The following MMP26 variants were observed in gnomAD, a reference collection of about 807,000 sequenced individuals.
MMP26 encodes matrix metallopeptidase 26.
A neutral mutation model predicts 31.0 loss-of-function variants in MMP26; 33 were observed. The observed-to-expected ratio is 1.06, with a 90% confidence interval of 0.81 to 1.42. The LOEUF (loss-of-function observed/expected upper bound fraction) is 1.42. Among genes scored for constraint, MMP26 ranks in the 40% most tolerant of loss-of-function variants. The pLI, the probability that MMP26 is intolerant of heterozygous loss-of-function variation, is 0.00. For synonymous variants in MMP26, 122 were observed against 114.9 expected (o/e 1.06, Z -0.40); for missense variants, 347 against 316.1 (o/e 1.10, Z -0.74).
chr11:4,879,182 C>T (rs759000254), intron 2 of MMP26, among the ~76,000 whole-genome samples: 8 of 151,980 alleles, frequency 5.3e-5, no homozygotes, highest in Non-Finnish European at 8.8e-5. Context: ...TGCAGTGACA[C>T]GATATCGTGC....
At chr11:4,713,665 T>C (rs915557744) in intron 1 of MMP26, among the ~76,000 whole-genome samples, 5 of 151,996 alleles carry the variant, frequency 3.3e-5, no homozygotes, top group African/African-American at 9.7e-5. Flanking sequence ...AAATGAAGAT[T>C]TTTGGGGGGC....
intron 2 of MMP26, among the ~76,000 whole-genome samples, chr11:4,961,677 C>T (rs1846522928): frequency 6.6e-6 from 1 of 152,208 alleles, no homozygotes; most frequent in Non-Finnish European, 1.5e-5. Flanking sequence ...ATCTATTCTT[C>T]AGAATTTGGC....
At chr11:4,727,423 T>G (rs921350284) in intron 1 of MMP26, among the ~76,000 whole-genome samples, 1 of 152,186 alleles carries the variant, frequency 6.6e-6, no homozygotes, top group East Asian at 1.9e-4. Flanking sequence ...AAAATTTTAT[T>G]ATTTAAAAAG....
intron 2 of MMP26, among the ~76,000 whole-genome samples, chr11:4,810,885 A>C (rs1408598246): frequency 6.6e-6 from 1 of 152,238 alleles, no homozygotes; most frequent in African/African-American, 2.4e-5. Context: ...AAAACATATA[A>C]GCATGCAAAG....
chr11:4,942,110 A>AAAAAAAAAAAAG (rs1846218904), intron 2 of MMP26, among the ~76,000 whole-genome samples: 1 of 138,502 alleles, frequency 7.2e-6, no homozygotes, highest in South Asian at 2.4e-4. Context: ...AAAAAAAAAA[A>AAAAAAAAAAAAG]GGAAGTAAAA....
intron 1 of MMP26, among the ~76,000 whole-genome samples, chr11:4,706,929 A>C (rs561958627): frequency 8.5e-5 from 13 of 152,342 alleles, no homozygotes; most frequent in African/African-American, 2.9e-4. Flanking sequence ...TTAAGGTTGA[A>C]TAGTATTCTA....
intron 2 of MMP26, among the ~76,000 whole-genome samples, chr11:4,767,649 A>G (rs1269825360): frequency 6.6e-6 from 1 of 152,184 alleles, no homozygotes; most frequent in Non-Finnish European, 1.5e-5. Flanking sequence ...TGGTATAAAA[A>G]TTATCATTAT....
chr11:4,964,229 T>C (rs181389112), intron 2 of MMP26, among the ~76,000 whole-genome samples: 1 of 152,268 alleles, frequency 6.6e-6, no homozygotes, highest in Admixed American at 6.5e-5. Context: ...TCTTCTAAGG[T>C]TTTTATAATT....
At chr11:4,848,881 C>T (rs1378008915) in intron 2 of MMP26, 6 of 1,614,152 alleles carry the variant, frequency 3.7e-6, no homozygotes, top group Non-Finnish European at 4.2e-6. Flanking sequence ...TGGATAAAAA[C>T]CATCTGTAGA....
chr11:4,784,557 T>C (rs1241848821), intron 2 of MMP26, among the ~76,000 whole-genome samples: 1 of 152,176 alleles, frequency 6.6e-6, no homozygotes, highest in Non-Finnish European at 1.5e-5. Context: ...CATGTGAAGA[T>C]AAAAGCTGAG....
intron 2 of MMP26, among the ~76,000 whole-genome samples, chr11:4,864,957 T>C (rs1452569875): frequency 6.6e-6 from 1 of 152,146 alleles, no homozygotes; most frequent in African/African-American, 2.4e-5. Context: ...CTTGTTTTAA[T>C]TCACAGTTTT....
At chr11:4,816,575 A>G (rs563942249) in intron 2 of MMP26, among the ~76,000 whole-genome samples, 21 of 151,932 alleles carry the variant, frequency 1.4e-4, no homozygotes, top group Non-Finnish European at 2.5e-4. Flanking sequence ...TAAATTCCAG[A>G]GACAACATAA....
Position 4,981,192 on chromosome 11 carries a change from A to G in MMP26, c.-144-6876A>G, listed in dbSNP as rs564597091. On this transcript the variant is annotated intron_variant, in intron 2 of 7. Coordinates refer to ENST00000380390, the MANE Select transcript of MMP26 (RefSeq NM_021801.5). ...CATTTTTGTACTGTTTGATTTTTAA[A>G]AATATAAGCATGTATAATTTTTATA... 4.6e-5 allele frequency among the ~76,000 whole-genome samples: 7 copies of G among 152,202 alleles called. No individual in the cohort carries two copies. The South Asian group carries it at 1.4e-3, about 32-fold the overall frequency.
At chr11:4,908,073 A>C in intron 2 of MMP26, 1 of 1,614,168 alleles carries the variant, frequency 6.2e-7, no homozygotes, top group Non-Finnish European at 8.5e-7. Flanking sequence ...GAGAGGCTTA[A>C]GGCCCTAAAT....
intron 2 of MMP26, chr11:4,973,096 G>A: frequency 5.3e-6 from 1 of 189,238 alleles, no homozygotes; most frequent in Admixed American, 5.0e-5. Flanking sequence ...TGGCAAACCG[G>A]TAGATGACAG....
intron 3 of MMP26, among the ~76,000 whole-genome samples, chr11:4,989,426 T>G: frequency 6.6e-6 from 1 of 152,164 alleles, no homozygotes; most frequent in Non-Finnish European, 1.5e-5. Flanking sequence ...ATGTTATAGT[T>G]TATCCATGTT....
At chr11:4,932,380 A>G (rs905317664) in intron 2 of MMP26, among the ~76,000 whole-genome samples, 95 of 152,162 alleles carry the variant, frequency 6.2e-4, no homozygotes, top group African/African-American at 2.3e-3. Flanking sequence ...TGTTGCAGCT[A>G]TAGTCCTTAA....
rs138492149 is a variant in MMP26, at chr11:4,735,933, T to G, written c.-217+30888T>G. Among the ~76,000 whole-genome samples the G allele has an allele frequency of 9.9e-4, 151 of 152,314 alleles. 5 individuals carry two copies. Among genetic ancestry groups the G allele is most frequent in the Admixed American group, 7.3e-3 (112 of 15,306 alleles). Reference sequence around the variant, plus strand: ...ATTATTCATACTTCCAAACCTTTAGTAACATTTTCATAATATTAAGATATT... The same window carrying G: ...ATTATTCATACTTCCAAACCTTTAGGAACATTTTCATAATATTAAGATATT... On this transcript the variant is annotated intron_variant, in intron 1 of 7. Coordinates refer to ENST00000380390, the MANE Select transcript of MMP26 (RefSeq NM_021801.5).
At chr11:4,944,884 C>G (rs1187444777) in intron 2 of MMP26, 8 of 151,922 alleles carry the variant, frequency 5.3e-5, no homozygotes, top group Non-Finnish European at 1.2e-4. Context: ...TTACTGAACT[C>G]CTCAGTGAAC....
Sources: gnomAD v4.1 joint callset for allele counts (sites outside exome capture counted in the v4.1 genomes callset) on GRCh38, gnomAD v4.1.1 for gene constraint, MANE v1.5 for transcripts, NCBI Gene and HGNC (gene_info 2026-07-23, HGNC 2026-07-21) for gene names.